The following TENM4 variants were observed in gnomAD, a reference collection of about 807,000 sequenced individuals.
TENM4 encodes teneurin transmembrane protein 4.
A neutral mutation model predicts 243.3 loss-of-function variants in TENM4; 82 were observed. The observed-to-expected ratio is 0.34, with a 90% CI of 0.28 to 0.40. The LOEUF is 0.40. Ranked by LOEUF, TENM4 falls within the 10% of genes least tolerant of loss-of-function variation. TENM4 has a pLI of 1.00. For synonymous variants in TENM4, 1,412 were observed against 1,456.3 expected (o/e 0.97, Z 0.69); for missense variants, 3,138 against 3,673.3 (o/e 0.85, Z 3.77).
intron 1 of TENM4, among the ~76,000 whole-genome samples, chr11:79,305,061 A>G (rs1025423097): frequency 6.6e-6 from 1 of 152,062 alleles, no homozygotes; most frequent in Non-Finnish European, 1.5e-5. Context: ...GCAACTTTCT[A>G]CTCACCCTCT....
At position 78,750,849 on chromosome 11, in the gene TENM4, TTGTGTGTG is replaced by T. The variant is rs72172542; in HGVS notation, c.2756+5948_2756+5955del. Among the ~76,000 whole-genome samples the T allele has an allele frequency of 9.7e-3, 1,413 of 145,772 alleles. 26 individuals are homozygous for T. The highest frequency in any genetic ancestry group is 0.034 in the African/African-American group (1,347 of 39,572). On this transcript the variant is annotated intron_variant, in intron 19 of 33. Coordinates refer to ENST00000278550, the MANE Select transcript of TENM4 (RefSeq NM_001098816.3). The stretch of plus-strand genomic sequence containing the variant: ...CTGGTCAATATTTACCAAATGAGGC[TTGTGTGTG>T]TGTGTGTGTGTGTGTGTGTGTGTCT...
chr11:79,241,270 T>A (rs1220590067), intron 2 of TENM4, among the ~76,000 whole-genome samples: 3 of 151,888 alleles, frequency 2.0e-5, no homozygotes, highest in Non-Finnish European at 2.9e-5. Flanking sequence ...AGAGGGGTTT[T>A]GTGTGTGGGA....
At chr11:78,697,668 A>G (rs1565337072) in intron 28 of TENM4, among the ~76,000 whole-genome samples, 1 of 152,320 alleles carries the variant, frequency 6.6e-6, no homozygotes, top group East Asian at 1.9e-4. Flanking sequence ...ACTAGTTGGC[A>G]AACCCTAAGC....
chr11:79,440,273 G>T lies in TENM4; in HGVS notation c.-321+236C>A, dbSNP rs1389461270. On this transcript the variant is annotated intron_variant, in intron 1 of 33. Coordinates refer to ENST00000278550, the MANE Select transcript of TENM4 (RefSeq NM_001098816.3). The surrounding 1 kb of genome is among the most constrained non-coding windows in gnomAD (Gnocchi z 4.7). ...TGCTCCCAGGCTCCAGTCCGCGGCG[G>T]GCTCCGGGGGCTGCGGCGGCTCCAG... Among the ~76,000 whole-genome samples, 1 of 152,052 alleles carries T rather than the reference G, an allele frequency of 6.6e-6. No homozygotes were observed. Among genetic ancestry groups the T allele is most frequent in the Non-Finnish European group, 1.5e-5 (1 of 67,990 alleles).
At chr11:79,191,772 G>C (rs1289178272) in intron 3 of TENM4, 4 of 190,216 alleles carry the variant, frequency 2.1e-5, no homozygotes, top group Middle Eastern at 4.4e-3. Context: ...GCCTCGTCCC[G>C]GCCGCGACCC....
intron 9 of TENM4, among the ~76,000 whole-genome samples, chr11:78,884,165 G>A (rs1340704472): frequency 6.6e-6 from 1 of 152,122 alleles, no homozygotes; most frequent in Non-Finnish European, 1.5e-5. Context: ...TTACAGATAG[G>A]GCAACTGAGG....
In TENM4 at chr11:78,670,384, T is replaced by C. The variant is rs1490590424; in HGVS notation, c.5961A>G (p.Ser1987=). ...CATCCTCAGTGAAGTCCTGTATGAC[T>C]GAGGCATTGCCCTCAGGGGGCTGAT... ...NIYQPPEGNA[S]VIQDFTEDGH... is the part of the protein sequence containing the mutation. The change falls in exon 32 of 34, where the codon TCA becomes TCG. Residue 1987 remains serine, a synonymous_variant. Transcript: ENST00000278550. The C allele has an allele frequency of 2.5e-6, 4 of 1,613,868 alleles. No individual in the cohort carries two copies. Among genetic ancestry groups the C allele is most frequent in the African/African-American group, 2.7e-5 (2 of 74,938 alleles).
chr11:79,376,585 C>T lies in TENM4; in HGVS notation c.-321+63924G>A, dbSNP rs531258008. ...GTCCCTTGACCTATCTATGAGCTCC[C>T]GAGGGCTAGGTACAGAATATCTGCT... is the stretch of plus-strand genomic sequence containing the variant. On this transcript the variant is annotated intron_variant, in intron 1 of 33. Transcript: ENST00000278550. Among the ~76,000 whole-genome samples the T allele has an allele frequency of 1.4e-4, 22 of 152,232 alleles. No homozygotes were observed. The South Asian group carries it at 2.7e-3, about 19-fold the overall frequency.
intron 26 of TENM4, among the ~76,000 whole-genome samples, chr11:78,710,917 A>G (rs1859382051): frequency 6.6e-6 from 1 of 152,224 alleles, no homozygotes; most frequent in Admixed American, 6.5e-5. Flanking sequence ...GGGAATAAAA[A>G]TTCTTAGAAA....
chr11:78,886,900 C>G (rs1855559286), intron 9 of TENM4, among the ~76,000 whole-genome samples: 2 of 152,198 alleles, frequency 1.3e-5, no homozygotes, highest in Admixed American at 1.3e-4. Flanking sequence ...CAAAATTGAC[C>G]TTCCATCCAC....
At chr11:79,235,184 G>A (rs1864441885) in intron 2 of TENM4, among the ~76,000 whole-genome samples, 2 of 152,080 alleles carry the variant, frequency 1.3e-5, no homozygotes, top group Admixed American at 6.6e-5. Context: ...GTGGTGGTGT[G>A]TGCCTGTAAT....
intron 12 of TENM4, among the ~76,000 whole-genome samples, chr11:78,832,696 G>T (rs955849562): frequency 2.1e-4 from 32 of 152,232 alleles, no homozygotes; most frequent in African/African-American, 7.7e-4. Flanking sequence ...AATAAGGGCA[G>T]GGCCTATTAT....
chr11:78,898,581 G>T (rs1855848478), intron 7 of TENM4, among the ~76,000 whole-genome samples: 1 of 152,090 alleles, frequency 6.6e-6, no homozygotes, highest in African/African-American at 2.4e-5. Flanking sequence ...CCCCTCCTCT[G>T]CCTGGGAGAC....
At chr11:79,024,735 C>T (rs1185259213) in intron 6 of TENM4, among the ~76,000 whole-genome samples, 1 of 152,194 alleles carries the variant, frequency 6.6e-6, no homozygotes, top group African/African-American at 2.4e-5. Context: ...AGTAATGTTT[C>T]AGCTCGTGTG....
intron 2 of TENM4, among the ~76,000 whole-genome samples, chr11:79,281,461 T>G (rs925928534): frequency 6.6e-6 from 1 of 152,198 alleles, no homozygotes; most frequent in Non-Finnish European, 1.5e-5. Flanking sequence ...TAGTTTTAAT[T>G]TATCACGACA....
intron 3 of TENM4, among the ~76,000 whole-genome samples, chr11:79,213,567 C>T (rs1359645029): frequency 6.6e-6 from 1 of 152,212 alleles, no homozygotes; most frequent in East Asian, 1.9e-4. Flanking sequence ...AACGTCTTTC[C>T]TCCTCCAATT....
At position 79,065,012 on chromosome 11, in the gene TENM4, G is replaced by A; in HGVS notation, c.224-5C>T. On this transcript the variant is annotated splice_polypyrimidine_tract_variant and splice_region_variant and intron_variant, in intron 5 of 33. Coordinates refer to ENST00000278550, the MANE Select transcript of TENM4 (RefSeq NM_001098816.3). ...CCCGCAGGGTGAAGTTGGCACCTGG[G>A]AGGAAACACAGGTGAACTTGGTTAG... The A allele has an allele frequency of 6.9e-7, 1 of 1,456,560 alleles. No homozygotes were observed. The highest frequency in any genetic ancestry group is 9.1e-7 in the Non-Finnish European group (1 of 1,100,360). The allele number at this position is 1,456,560 out of a possible 1,614,324, so 90.2% of individuals were successfully genotyped here. A position where few individuals can be genotyped will look rare whatever the true frequency, so the allele number is the denominator to read the frequency against.
At chr11:78,762,224 C>T (rs1435622459) in intron 18 of TENM4, among the ~76,000 whole-genome samples, 4 of 152,144 alleles carry the variant, frequency 2.6e-5, no homozygotes, top group African/African-American at 4.8e-5. Context: ...GCACTTAGCA[C>T]GATAACTAGC....
intron 27 of TENM4, among the ~76,000 whole-genome samples, chr11:78,707,660 A>G (rs371973679): frequency 5.9e-5 from 9 of 152,164 alleles, no homozygotes; most frequent in African/African-American, 2.2e-4. Flanking sequence ...GCAAACCCCT[A>G]TTCTATTCAA....
Sources: allele counts gnomAD v4.1 joint callset (sites outside exome capture counted in the v4.1 genomes callset), GRCh38; gene constraint gnomAD v4.1.1; non-coding constraint Gnocchi (gnomAD v3.1); transcripts MANE v1.5; gene names NCBI Gene and HGNC (gene_info 2026-07-23, HGNC 2026-07-21).